Variants in PCDHGA12 observed in about 807,000 individuals in gnomAD.
The protein encoded by PCDHGA12 is protocadherin gamma-A12.
Under a neutral mutation model 61.1 loss-of-function variants are expected in PCDHGA12, and 43 were observed. That is an observed-to-expected ratio of 0.70 (90% CI 0.55 to 0.91). PCDHGA12 has a LOEUF of 0.91. Among genes scored for constraint, PCDHGA12 ranks in the 40% least tolerant of loss-of-function variants. The pLI is 0.00. For missense variants in PCDHGA12, 1,236 were observed against 1,227.7 expected (o/e 1.01, Z -0.10); for synonymous variants, 520 against 542.9 (o/e 0.96, Z 0.59).
intron 1 of PCDHGA12, among the ~76,000 whole-genome samples, chr5:141,488,139 T>A (rs906194527): frequency 6.6e-6 from 1 of 152,084 alleles, no homozygotes; most frequent in Non-Finnish European, 1.5e-5. Context: ...AGGAGAGAAC[T>A]AAAGGAATAG....
At chr5:141,481,606 C>T (rs2099540144) in intron 1 of PCDHGA12, among the ~76,000 whole-genome samples, 1 of 152,000 alleles carries the variant, frequency 6.6e-6, no homozygotes, top group South Asian at 2.1e-4. Context: ...TCACCTGAGG[C>T]CAGGAGTTCA....
In PCDHGA12 at chr5:141,493,103, A is replaced by G. The variant is rs1396614836; in HGVS notation, c.2425-1704A>G. Among the ~76,000 whole-genome samples the G allele has an allele frequency of 6.6e-6, 1 of 152,086 alleles. No homozygotes were observed. The highest frequency in any genetic ancestry group is 1.5e-5 in the Non-Finnish European group (1 of 68,022). On this transcript the variant is annotated intron_variant, in intron 1 of 3. Transcript: ENST00000252085. The surrounding 1 kb of genome is among the most constrained non-coding windows in gnomAD (Gnocchi z 4.3). ...AGGAGCTTTTATTCAAAATATATCA[A>G]TGCCTAACTCTGCTCCTAGGACTGT...
chr5:141,505,362 G>A (rs766427680), intron 2 of PCDHGA12, 31 bp from the exon 3 acceptor site: 1 of 1,613,966 alleles, frequency 6.2e-7, no homozygotes, highest in Non-Finnish European at 8.5e-7. Flanking sequence ...CGGCCTGGGA[G>A]TCTGTGCTCA....
chr5:141,473,655 G>A (rs2099326380), intron 1 of PCDHGA12, among the ~76,000 whole-genome samples: 1 of 152,182 alleles, frequency 6.6e-6, no homozygotes, highest in Non-Finnish European at 1.5e-5. Context: ...AACAATTTGT[G>A]TGAAGGCCCT....
At chr5:141,501,313 ACAC>A (rs2099807743) in intron 2 of PCDHGA12, among the ~76,000 whole-genome samples, 1 of 151,686 alleles carries the variant, frequency 6.6e-6, no homozygotes, top group Non-Finnish European at 1.5e-5. Context: ...ACACACACAC[ACAC>A]ACACACACAC....
At position 141,494,787 on chromosome 5, in the gene PCDHGA12, T is replaced by G. The variant is rs763990551; in HGVS notation, c.2425-20T>G. The G allele has an allele frequency of 6.2e-7, 1 of 1,614,044 alleles. No individual in the cohort carries two copies. Among genetic ancestry groups the G allele is most frequent in the Non-Finnish European group, 8.5e-7 (1 of 1,179,990 alleles). On this transcript the variant is annotated intron_variant, in intron 1 of 3. Transcript: ENST00000252085. ...ACTTCTCACGGGTACTCAGCCCCTT[T>G]CCCTCTGTTTTCTCCACAGCAAGCC...
chr5:141,503,417 A>T (rs1431276679), intron 2 of PCDHGA12, among the ~76,000 whole-genome samples: 2 of 151,968 alleles, frequency 1.3e-5, no homozygotes, highest in Non-Finnish European at 2.9e-5. Flanking sequence ...CAATATGGTG[A>T]AACCCCATCT....
Position 141,490,850 on chromosome 5 carries a change from G to A in PCDHGA12, c.2425-3957G>A, listed in dbSNP as rs374508743. The A allele has an allele frequency of 7.2e-5, 116 of 1,613,706 alleles. No homozygotes were observed. The highest frequency in any genetic ancestry group is 9.5e-5 in the Non-Finnish European group (112 of 1,179,902). ...ATGCTGCAGATTGTGGTGGGGGTTC[G>A]AGACTCCGGCTCTCCCCCATTGCAT... On this transcript the variant is annotated intron_variant, in intron 1 of 3. Transcript: ENST00000252085. This position sits in a 1 kb window ranked among gnomAD's most constrained non-coding sequence, Gnocchi z 5.4.
chr5:141,510,949 G>C lies in PCDHGA12; in HGVS notation c.2575G>C (p.Ala859Pro), dbSNP rs762789865. The C allele has an allele frequency of 2.2e-5, 36 of 1,614,012 alleles. No homozygotes were observed. The highest frequency in any genetic ancestry group is 3.0e-5 in the Non-Finnish European group (35 of 1,180,020). ...CTGATCTTCCTCTGTCTCTGCAGAA[G>C]CTGCTGATGGGAGCTCCACCCTGGG... ...QAMILASASE[A>P]ADGSSTLGGG... is the part of the protein sequence containing the mutation. The change falls in exon 4 of 4, where the codon GCT (alanine) becomes CCT (proline). Residue 859 changes from alanine (A) to proline (P), a missense_variant and splice_region_variant. Coordinates refer to ENST00000252085, the MANE Select transcript of PCDHGA12 (RefSeq NM_003735.3).
At chr5:141,480,726 G>A (rs2099524533) in intron 1 of PCDHGA12, among the ~76,000 whole-genome samples, 1 of 152,138 alleles carries the variant, frequency 6.6e-6, no homozygotes, top group Non-Finnish European at 1.5e-5. Context: ...CACAGTCTCT[G>A]GGGGTGGGAC....
chr5:141,433,150 G>C lies in PCDHGA12; in HGVS notation c.2391G>C (p.Ser797=), dbSNP rs1466566074. The change falls in exon 1 of 4, where the codon TCG becomes TCC. Residue 797 remains serine (S), a synonymous_variant. Coordinates refer to ENST00000252085, the MANE Select transcript of PCDHGA12 (RefSeq NM_003735.3). The part of the protein sequence containing the change: ...KSEPLLLSGD[S]VFSKDSHGLI... ...AGCCCCTTTTGCTGTCAGGTGATTC[G>C]GTATTTTCTAAAGACAGTCATGGGT... is the stretch of plus-strand genomic sequence containing the variant. The C allele has an allele frequency of 3.1e-6, 5 of 1,613,936 alleles. No individual in the cohort carries two copies. The highest frequency in any genetic ancestry group is 1.6e-4 in the Middle Eastern group (1 of 6,062).
intron 1 of PCDHGA12, among the ~76,000 whole-genome samples, chr5:141,474,672 T>C (rs1203448521): frequency 2.0e-5 from 3 of 152,228 alleles, no homozygotes; most frequent in Non-Finnish European, 4.4e-5. Flanking sequence ...ACCTAACCTA[T>C]GTGCCTACCC....
At position 141,486,417 on chromosome 5, in the gene PCDHGA12, G is replaced by T. The variant is rs1298448753; in HGVS notation, c.2425-8390G>T. On this transcript the variant is annotated intron_variant, in intron 1 of 3. Transcript: ENST00000252085. The surrounding 1 kb of genome is among the most constrained non-coding windows in gnomAD (Gnocchi z 5.0). ...CTGGTGACTGCTGGACCCTTGGATCGAGAGGCCAAATCTAGCTATGACATC... is the reference window on the plus strand; with the variant it reads ...CTGGTGACTGCTGGACCCTTGGATCTAGAGGCCAAATCTAGCTATGACATC... The T allele has an allele frequency of 6.2e-7, 1 of 1,614,014 alleles. No homozygotes were observed. The highest frequency in any genetic ancestry group is 1.7e-5 in the Admixed American group (1 of 60,010).
intron 1 of PCDHGA12, among the ~76,000 whole-genome samples, chr5:141,433,534 C>T (rs2097618995): frequency 6.6e-6 from 1 of 152,088 alleles, no homozygotes; most frequent in Admixed American, 6.5e-5. Context: ...GTGCCCCGCC[C>T]TTATCAGATA....
intron 2 of PCDHGA12, among the ~76,000 whole-genome samples, chr5:141,500,410 C>G (rs2099800033): frequency 6.6e-6 from 1 of 151,774 alleles, no homozygotes; most frequent in Non-Finnish European, 1.5e-5. Flanking sequence ...GGGGTTTCAC[C>G]GTGTTAGCCA....
chr5:141,487,033 A>T lies in PCDHGA12; in HGVS notation c.2425-7774A>T, dbSNP rs1465525110. ...AGGCCCCAGATCCCAGCCTGTTTGC[A>T]GTCTCTCGATATGCTGGGGAGGTGC... On this transcript the variant is annotated intron_variant, in intron 1 of 3. Coordinates refer to ENST00000252085, the MANE Select transcript of PCDHGA12 (RefSeq NM_003735.3). This position sits in a 1 kb window ranked among gnomAD's most constrained non-coding sequence, Gnocchi z 5.0. The T allele has an allele frequency of 6.2e-7, 1 of 1,614,042 alleles. No homozygotes were observed. The highest frequency in any genetic ancestry group is 8.5e-7 in the Non-Finnish European group (1 of 1,180,040).
intron 2 of PCDHGA12, 117 bp downstream of exon 2, chr5:141,494,982 G>T: frequency 1.3e-6 from 2 of 1,563,940 alleles, no homozygotes; most frequent in Non-Finnish European, 1.7e-6. Flanking sequence ...CTCAGTTTGA[G>T]ATCCCAGGGA....
At position 141,493,026 on chromosome 5, in the gene PCDHGA12, C is replaced by G. The variant is rs73280358; in HGVS notation, c.2425-1781C>G. Reference sequence around the variant, plus strand: ...TAGGCTCTGCCAGATGCCAGGGTGCCCTTATGTGTGAGGAAACTACAATAG... The same window carrying G: ...TAGGCTCTGCCAGATGCCAGGGTGCGCTTATGTGTGAGGAAACTACAATAG... On this transcript the variant is annotated intron_variant, in intron 1 of 3. Coordinates refer to ENST00000252085, the MANE Select transcript of PCDHGA12 (RefSeq NM_003735.3). This position sits in a 1 kb window ranked among gnomAD's most constrained non-coding sequence, Gnocchi z 4.3. 0.039 allele frequency among the ~76,000 whole-genome samples: 5,923 copies of G among 152,298 alleles called. 150 individuals are homozygous for G. The highest frequency in any genetic ancestry group is 0.077 in the South Asian group (370 of 4,822).
rs752145084 is a variant in PCDHGA12 at position 141,489,550 on chromosome 5, C to T, written c.2425-5257C>T. On this transcript the variant is annotated intron_variant, in intron 1 of 3. Coordinates refer to ENST00000252085, the MANE Select transcript of PCDHGA12 (RefSeq NM_003735.3). This position sits in a 1 kb window ranked among gnomAD's most constrained non-coding sequence, Gnocchi z 4.5. ...ATGTGGAGCCAGCACCAGCTGCCTGCTGCCAGTGCAGGTGGTGACTGAACA... is the reference window on the plus strand; with the variant it reads ...ATGTGGAGCCAGCACCAGCTGCCTGTTGCCAGTGCAGGTGGTGACTGAACA... The T allele has an allele frequency of 1.2e-6, 2 of 1,614,132 alleles. No homozygotes were observed. The highest frequency in any genetic ancestry group is 1.7e-5 in the Admixed American group (1 of 60,030).
Sources: gnomAD v4.1 joint callset for allele counts (sites outside exome capture counted in the v4.1 genomes callset) on GRCh38, gnomAD v4.1.1 for gene constraint, Gnocchi (gnomAD v3.1) non-coding constraint, MANE v1.5 for transcripts, NCBI Gene and HGNC (gene_info 2026-07-23, HGNC 2026-07-21) for gene names.